The following TMEM233 variants were observed in gnomAD, a reference collection of about 807,000 sequenced individuals.
TMEM233 encodes transmembrane protein 233, also known as dispanin subfamily B member 2.
A neutral mutation model predicts 11.2 loss-of-function variants in TMEM233; 6 were observed. The observed-to-expected ratio is 0.54, with a 90% CI of 0.29 to 1.06. The LOEUF (loss-of-function observed/expected upper bound fraction) is 1.06, where lower values mean the gene tolerates loss of function less well. Among genes scored for constraint, TMEM233 ranks in the 50% least tolerant of loss-of-function variants. TMEM233 has a pLI of 0.08. For synonymous variants in TMEM233, 59 were observed against 55.8 expected (o/e 1.06, Z -0.26); for missense variants, 127 against 144.7 (o/e 0.88, Z 0.63).
In TMEM233 at chr12:119,620,187, A is replaced by T. The variant is rs139418522; in HGVS notation, c.187-9549A>T. 5.1e-3 allele frequency among the ~76,000 whole-genome samples: 784 copies of T among 152,296 alleles called. 11 individuals carry two copies. Among genetic ancestry groups the T allele is most frequent in the African/African-American group, 0.018 (740 of 41,552 alleles). On this transcript the variant is annotated intron_variant, in intron 1 of 2. Coordinates refer to ENST00000426426, the MANE Select transcript of TMEM233 (RefSeq NM_001136534.3). ...ATCTGAAGTGTGAAAAGATGGCTCA[A>T]CCTCACCATTAATTAATGGAATCTT...
At chr12:119,610,972 T>G (rs1270456371) in intron 1 of TMEM233, among the ~76,000 whole-genome samples, 1 of 152,178 alleles carries the variant, frequency 6.6e-6, no homozygotes, top group Admixed American at 6.5e-5. Flanking sequence ...TAGCATCCTG[T>G]TTTCAGGGTT....
rs770588095 is a variant in TMEM233, at chr12:119,594,077, G to T, written c.186+43G>T. Reference sequence around the variant, plus strand: ...AGAGGCAGCCTGGGAGGAGAGACCCGGGCGGCTTTGAGCCCCTGCAGGGGA... The same window carrying T: ...AGAGGCAGCCTGGGAGGAGAGACCCTGGCGGCTTTGAGCCCCTGCAGGGGA... On this transcript the variant is annotated intron_variant, in intron 1 of 2. Transcript: ENST00000426426. The surrounding 1 kb of genome is among the most constrained non-coding windows in gnomAD (Gnocchi z 5.6). 1 of 1,542,100 alleles carries T rather than the reference G, an allele frequency of 6.5e-7. No individual in the cohort carries two copies. Among genetic ancestry groups the T allele is most frequent in the Non-Finnish European group, 8.8e-7 (1 of 1,141,392 alleles).
At chr12:119,611,745 A>G (rs1286109126) in intron 1 of TMEM233, among the ~76,000 whole-genome samples, 2 of 152,094 alleles carry the variant, frequency 1.3e-5, no homozygotes, top group African/African-American at 2.4e-5. Flanking sequence ...TTGGCTCCCA[A>G]CATGAACACT....
chr12:119,652,413 TA>T, the TMEM233 span, among the ~76,000 whole-genome samples: 1 of 152,188 alleles, frequency 6.6e-6, no homozygotes, highest in Non-Finnish European at 1.5e-5. Flanking sequence ...AAAACATTTT[TA>T]CAAATTAAAG....
At chr12:119,607,830 C>T (rs937174110) in intron 1 of TMEM233, among the ~76,000 whole-genome samples, 1 of 152,086 alleles carries the variant, frequency 6.6e-6, no homozygotes, top group Non-Finnish European at 1.5e-5. Flanking sequence ...AGGAGATTCT[C>T]CCACCTCGGC....
rs183349355 is a variant in TMEM233, at chr12:119,641,023, G to A, written c.*318G>A. On this transcript the variant is annotated 3_prime_UTR_variant, in exon 3 of 3. Coordinates refer to ENST00000426426, the MANE Select transcript of TMEM233 (RefSeq NM_001136534.3). ...GTGTCCACTCCTGTCCTCCAGAGGC[G>A]AGCCTCAGGAAATCACATAACTTTT... is the stretch of plus-strand genomic sequence containing the variant. 1.4e-4 allele frequency: 44 copies of A among 317,260 alleles called. No individual in the cohort carries two copies. The highest frequency in any genetic ancestry group is 9.3e-4 in the Middle Eastern group (1 of 1,074). The allele number at this position is 317,260 out of a possible 1,614,324, so 19.7% of individuals were successfully genotyped here. A position where few individuals can be genotyped will look rare whatever the true frequency, so the allele number is the denominator to read the frequency against.
chr12:119,654,001 G>T, the TMEM233 span, among the ~76,000 whole-genome samples: 8 of 148,936 alleles, frequency 5.4e-5, no homozygotes, highest in Non-Finnish European at 1.2e-4. Context: ...ACCCAATCAG[G>T]ATAAATGCAA....
At chr12:119,653,014 G>T in the TMEM233 span, among the ~76,000 whole-genome samples, 1 of 152,222 alleles carries the variant, frequency 6.6e-6, no homozygotes, top group African/African-American at 2.4e-5. Context: ...TTCACTACCA[G>T]TTAAAACAAA....
chr12:119,629,801 G>A lies in TMEM233; in HGVS notation c.252G>A (p.Trp84Ter). Reference sequence around the variant, plus strand: ...GGCGGCTTGGGCGGAATGCTAAGTGGGTAGCCATCGCCTCCATCATCATTG... The same window carrying A: ...GGCGGCTTGGGCGGAATGCTAAGTGAGTAGCCATCGCCTCCATCATCATTG... Reference protein sequence around the residue: ...GARRLGRNAKWVAIASIIIGL... With the variant: ...GARRLGRNAK Residue 84 changes from tryptophan (W) to a stop codon, truncating the protein, a stop_gained, in exon 2 of 3, where the codon TGG (tryptophan) becomes TGA (stop). Transcript: ENST00000426426. LOFTEE classifies it high-confidence loss of function. 6.4e-7 allele frequency: 1 copy of A among 1,551,638 alleles called. No individual in the cohort carries two copies. Among genetic ancestry groups the A allele is most frequent in the Non-Finnish European group, 8.7e-7 (1 of 1,146,980 alleles).
intron 1 of TMEM233, among the ~76,000 whole-genome samples, chr12:119,598,616 TA>T (rs1954095653): frequency 6.6e-6 from 1 of 152,176 alleles, no homozygotes; most frequent in Non-Finnish European, 1.5e-5. Context: ...CCCACATTTC[TA>T]AATGCCTTCA....
chr12:119,626,538 G>GGAGAAGGGAGAAGAGAAGAGAA (rs1449714373), intron 1 of TMEM233, among the ~76,000 whole-genome samples: 3 of 63,822 alleles, frequency 4.7e-5, no homozygotes, highest in African/African-American at 1.2e-4. Flanking sequence ...AAGGGAGAAG[G>GGAGAAGGGAGAAGAGAAGAGAA]GAGAAGAGAA....
At chr12:119,622,429 T>C (rs1954662329) in intron 1 of TMEM233, among the ~76,000 whole-genome samples, 1 of 152,222 alleles carries the variant, frequency 6.6e-6, no homozygotes, top group East Asian at 1.9e-4. Context: ...AGCTGCCCTG[T>C]TTCTTCCTAG....
At position 119,640,956 on chromosome 12, in the gene TMEM233, A is replaced by G; in HGVS notation, c.*251A>G. On this transcript the variant is annotated 3_prime_UTR_variant, in exon 3 of 3. Coordinates refer to ENST00000426426, the MANE Select transcript of TMEM233 (RefSeq NM_001136534.3). ...TAAAAATGAAAAGAAAACAGAAAAA[A>G]GAAAAATGAAGTCTCACTGTCTCAG... The G allele has an allele frequency of 8.1e-6, 4 of 491,556 alleles. No homozygotes were observed. Among genetic ancestry groups the G allele is most frequent in the Non-Finnish European group, 1.1e-5 (3 of 278,776 alleles). The allele number at this position is 491,556 out of a possible 1,614,324, so 30.4% of individuals were successfully genotyped here. A position where few individuals can be genotyped will look rare whatever the true frequency, so the allele number is the denominator to read the frequency against.
intron 2 of TMEM233, among the ~76,000 whole-genome samples, chr12:119,639,794 G>A (rs1345074342): frequency 6.6e-6 from 1 of 152,052 alleles, no homozygotes; most frequent in Non-Finnish European, 1.5e-5. Flanking sequence ...TATCTCATAG[G>A]GCTGTGAGGG....
chr12:119,646,072 T>C (rs73221258), downstream of TMEM233, among the ~76,000 whole-genome samples: 2,865 of 150,450 alleles, frequency 0.019, 91 homozygotes, highest in African/African-American at 0.061. Context: ...TTTTTTTTTT[T>C]TTTGAGATGG....
chr12:119,631,015 G>A (rs974577233), intron 2 of TMEM233: 3 of 152,102 alleles, frequency 2.0e-5, no homozygotes, highest in African/African-American at 7.2e-5. Flanking sequence ...AGCTCAGATG[G>A]GCTCCATCTG....
At chr12:119,646,806 A>C (rs1434755848), downstream of TMEM233, among the ~76,000 whole-genome samples, 1 of 152,216 alleles carries the variant, frequency 6.6e-6, no homozygotes, top group East Asian at 1.9e-4. Flanking sequence ...TCAGCTGATT[A>C]GCAACCTTAA....
intron 1 of TMEM233, among the ~76,000 whole-genome samples, chr12:119,618,499 A>G (rs1954579714): frequency 6.6e-6 from 1 of 152,200 alleles, no homozygotes; most frequent in Non-Finnish European, 1.5e-5. Context: ...CAGCTAGGGA[A>G]GGGGGCTGTA....
intron 1 of TMEM233, among the ~76,000 whole-genome samples, chr12:119,616,171 C>G (rs1256913415): frequency 6.6e-6 from 1 of 152,166 alleles, no homozygotes; most frequent in Non-Finnish European, 1.5e-5. Flanking sequence ...CTGGTCAAGA[C>G]CTGAACACTG....
Sources: allele counts gnomAD v4.1 joint callset (sites outside exome capture counted in the v4.1 genomes callset), GRCh38; gene constraint gnomAD v4.1.1; non-coding constraint Gnocchi (gnomAD v3.1); transcripts MANE v1.5; gene names NCBI Gene and HGNC (gene_info 2026-07-23, HGNC 2026-07-21).